The following AP3B1 variants were observed in gnomAD, a reference collection of about 807,000 sequenced individuals.
AP3B1 encodes the protein AP-3 complex subunit beta-1.
In AP3B1, 61 loss-of-function variants were observed where a neutral mutation model predicts 132.5. The ratio of observed to expected loss-of-function variants is 0.46; its 90% confidence interval spans 0.37 to 0.57. The LOEUF (loss-of-function observed/expected upper bound fraction) is 0.57. Among genes scored for constraint, AP3B1 ranks in the 20% least tolerant of loss-of-function variants. AP3B1 has a pLI of 0.00. For synonymous variants in AP3B1, 388 were observed against 438.3 expected (o/e 0.89, Z 1.43); for missense variants, 1,120 against 1,289.4 (o/e 0.87, Z 2.01).
intron 2 of AP3B1, among the ~76,000 whole-genome samples, chr5:78,260,079 C>G (rs1236224435): frequency 6.6e-6 from 1 of 152,062 alleles, no homozygotes; most frequent in Non-Finnish European, 1.5e-5. Flanking sequence ...CTGCTCTGTA[C>G]AGCTAAAGCC....
At chr5:78,144,844 G>GTTGTTGTTTTT (rs5868906) in intron 14 of AP3B1, among the ~76,000 whole-genome samples, 1 of 151,904 alleles carries the variant, frequency 6.6e-6, no homozygotes, top group Non-Finnish European at 1.5e-5. Flanking sequence ...TGTTGTTGTT[G>GTTGTTGTTTTT]TTTTTTAAAG....
At chr5:78,284,735 C>G (rs570821454) in intron 1 of AP3B1, among the ~76,000 whole-genome samples, 2 of 152,230 alleles carry the variant, frequency 1.3e-5, no homozygotes, top group East Asian at 3.9e-4. Flanking sequence ...TATTTTTCAG[C>G]TAACCTGTAT....
At chr5:78,077,782 G>C (rs527315680) in intron 22 of AP3B1, among the ~76,000 whole-genome samples, 2 of 152,280 alleles carry the variant, frequency 1.3e-5, no homozygotes, top group African/African-American at 2.4e-5. Flanking sequence ...TTGTCACCCA[G>C]GAGAACTTGG....
At chr5:78,116,293 G>A (rs1166690248) in intron 17 of AP3B1, 59 bp from the exon 18 acceptor site, 4 of 1,444,708 alleles carry the variant, frequency 2.8e-6, no homozygotes, top group Admixed American at 1.7e-5. Flanking sequence ...TAGAGTTCTG[G>A]CAAACTTAAT....
chr5:78,253,475 G>T (rs6891550), intron 2 of AP3B1, among the ~76,000 whole-genome samples: 47,466 of 151,982 alleles, frequency 0.31, 7,593 homozygotes, highest in Middle Eastern at 0.41. Context: ...AATACCTAAC[G>T]CTCCAATGCC....
At chr5:78,192,062 G>A (rs544099126) in intron 7 of AP3B1, among the ~76,000 whole-genome samples, 6 of 151,788 alleles carry the variant, frequency 4.0e-5, no homozygotes, top group South Asian at 2.1e-4. Flanking sequence ...GTTTCTCCAC[G>A]TTGGTCAGGC....
chr5:78,125,837 AGTACTGTCCCTATAAG>A (rs1254952200), intron 17 of AP3B1, among the ~76,000 whole-genome samples: 1 of 152,210 alleles, frequency 6.6e-6, no homozygotes, highest in Non-Finnish European at 1.5e-5. Context: ...GTTATATTTA[AGTACTGTCCCTATAAG>A]GTAGTTAATG....
intron 26 of AP3B1, among the ~76,000 whole-genome samples, chr5:78,006,819 T>C (rs1306579079): frequency 6.6e-6 from 1 of 152,228 alleles, no homozygotes; most frequent in Non-Finnish European, 1.5e-5. Flanking sequence ...TGTTTGGCTA[T>C]ATCTGTATTT....
At chr5:78,117,352 C>T (rs1273250283) in intron 17 of AP3B1, among the ~76,000 whole-genome samples, 1 of 151,406 alleles carries the variant, frequency 6.6e-6, no homozygotes, top group Non-Finnish European at 1.5e-5. Context: ...CTCCGTCGCC[C>T]AGGCTGGAGT....
At chr5:78,124,299 G>T (rs546572940) in intron 17 of AP3B1, among the ~76,000 whole-genome samples, 8 of 150,776 alleles carry the variant, frequency 5.3e-5, no homozygotes, top group Non-Finnish European at 1.2e-4. Flanking sequence ...GTATACATAT[G>T]TAACAAACCT....
intron 15 of AP3B1, among the ~76,000 whole-genome samples, chr5:78,140,516 CA>C (rs1427696242): frequency 6.6e-6 from 1 of 152,186 alleles, no homozygotes; most frequent in Non-Finnish European, 1.5e-5. Flanking sequence ...AGCACCTTCT[CA>C]CTGTGTCCTC....
intron 14 of AP3B1, among the ~76,000 whole-genome samples, chr5:78,145,691 C>A (rs1753360593): frequency 6.6e-6 from 1 of 152,188 alleles, no homozygotes; most frequent in Non-Finnish European, 1.5e-5. Flanking sequence ...TGTGCAATGG[C>A]TCCCTTAGTG....
rs555882107 is a variant in AP3B1, at chr5:78,182,778, C to G, written c.787-1116G>C. On this transcript the variant is annotated intron_variant, in intron 7 of 26. Transcript: ENST00000255194. ...ACCAGTAGAGGCTGAGATGGTGATC[C>G]TAGACTTCTACCCTTATTAGGCTGT... Among the ~76,000 whole-genome samples, 3 of 152,226 alleles carry G rather than the reference C, an allele frequency of 2.0e-5. No individual in the cohort carries two copies. The East Asian group carries it at 5.8e-4, about 29-fold the overall frequency.
chr5:78,283,245 C>T (rs949233771), intron 1 of AP3B1, among the ~76,000 whole-genome samples: 1 of 152,098 alleles, frequency 6.6e-6, no homozygotes, highest in African/African-American at 2.4e-5. Flanking sequence ...TAACTCTGTG[C>T]CACATTTTGA....
chr5:78,053,411 G>C (rs1748662841), intron 22 of AP3B1, among the ~76,000 whole-genome samples: 1 of 152,114 alleles, frequency 6.6e-6, no homozygotes, highest in African/African-American at 2.4e-5. Context: ...GTCGGGTGCA[G>C]CGGCTCACGC....
chr5:78,182,220 TTA>T (rs1744402177), intron 7 of AP3B1, among the ~76,000 whole-genome samples: 3 of 152,330 alleles, frequency 2.0e-5, no homozygotes, highest in Admixed American at 2.0e-4. Context: ...TTTGAATTCT[TTA>T]TCTCTGCCAA....
rs1156958355 is a variant in AP3B1 at position 78,115,910 on chromosome 5, C to T, written c.2077+216G>A. 7 of 554,784 alleles carry T rather than the reference C, an allele frequency of 1.3e-5. No homozygotes were observed. In the Middle Eastern group the frequency reaches 1.5e-3, roughly 119 times the overall value. The allele number at this position is 554,784 out of a possible 1,614,324, so 34.4% of individuals were successfully genotyped here. On this transcript the variant is annotated intron_variant, in intron 18 of 26. Coordinates refer to ENST00000255194, the MANE Select transcript of AP3B1 (RefSeq NM_003664.5). The stretch of plus-strand genomic sequence containing the variant: ...TGTTTCAGCTATACCAATGTATCAG[C>T]TACTATCCAAGAGATATTGTAAAGT...
intron 6 of AP3B1, among the ~76,000 whole-genome samples, chr5:78,217,523 A>G (rs534100447): frequency 1.3e-3 from 191 of 152,178 alleles, no homozygotes; most frequent in African/African-American, 4.3e-3. Flanking sequence ...ATAATTTTCT[A>G]TTTGTTATAG....
intron 17 of AP3B1, among the ~76,000 whole-genome samples, chr5:78,123,660 A>C (rs1365463407): frequency 6.6e-6 from 1 of 152,154 alleles, no homozygotes; most frequent in African/African-American, 2.4e-5. Flanking sequence ...ACCATCTCAC[A>C]CCAGTTAGAA....
Sources: allele counts gnomAD v4.1 joint callset (sites outside exome capture counted in the v4.1 genomes callset), GRCh38; gene constraint gnomAD v4.1.1; transcripts MANE v1.5; gene names NCBI Gene and HGNC (gene_info 2026-07-23, HGNC 2026-07-21).